ZNRF2: variants seen among roughly 807,000 people sequenced by gnomAD.
The protein encoded by ZNRF2 is E3 ubiquitin-protein ligase ZNRF2.
Under a neutral mutation model 20.4 loss-of-function variants are expected in ZNRF2, and 16 were observed. The ratio of observed to expected loss-of-function variants is 0.79; its 90% confidence interval spans 0.53 to 1.19. ZNRF2 has a LOEUF of 1.19. Ranked by LOEUF, ZNRF2 falls within the 50% of genes most tolerant of loss-of-function variation. ZNRF2 has a pLI of 0.00. For missense variants in ZNRF2, 363 were observed against 332.4 expected (o/e 1.09, Z -0.72); for synonymous variants, 178 against 144.9 (o/e 1.23, Z -1.64).
chr7:30,287,214 A>G (rs1468475489), intron 1 of ZNRF2, among the ~76,000 whole-genome samples: 1 of 152,224 alleles, frequency 6.6e-6, no homozygotes, highest in African/African-American at 2.4e-5. Context: ...GATCACAACT[A>G]ACCTAACAGT....
At chr7:30,349,923 G>C (rs1799938196) in intron 2 of ZNRF2, among the ~76,000 whole-genome samples, 1 of 151,968 alleles carries the variant, frequency 6.6e-6, no homozygotes. Context: ...TTGATTTTAA[G>C]TTTTAGTTTA....
At chr7:30,319,652 C>T (rs1351018617) in intron 1 of ZNRF2, among the ~76,000 whole-genome samples, 1 of 152,114 alleles carries the variant, frequency 6.6e-6, no homozygotes, top group African/African-American at 2.4e-5. Context: ...ATCAAGTTGA[C>T]CTTGGGGTAG....
intron 2 of ZNRF2, among the ~76,000 whole-genome samples, chr7:30,343,606 A>G (rs1329405144): frequency 1.3e-5 from 2 of 151,866 alleles, no homozygotes; most frequent in East Asian, 1.9e-4. Context: ...GTCTCCTTTA[A>G]TGTTTATGCC....
chr7:30,285,727 G>A lies in ZNRF2; in HGVS notation c.370G>A (p.Gly124Ser). 1 of 1,473,656 alleles carries A rather than the reference G, an allele frequency of 6.8e-7. No individual in the cohort carries two copies. The highest frequency in any genetic ancestry group is 8.9e-7 in the Non-Finnish European group (1 of 1,118,832). 91.3% of individuals were successfully genotyped at this position (1,473,656 alleles called of 1,614,324 possible). The change falls in exon 1 of 5, where the codon GGC becomes AGC. Residue 124 changes from glycine to serine, a missense_variant. This residue lies in a region of ZNRF2 where 302 missense variants were observed against 231.5 expected (regional missense o/e 1.30). Coordinates refer to ENST00000323037, the MANE Select transcript of ZNRF2 (RefSeq NM_147128.4). ...CTCGGTGCACAGCAGCCCTGAGGAC[G>A]GCGGCGGCGGCCGGGACCGGCCGGT... ...QDSVHSSPED[G>S]GGGRDRPVGG...
chr7:30,337,863 C>G (rs1442643135), intron 2 of ZNRF2, among the ~76,000 whole-genome samples: 7 of 152,100 alleles, frequency 4.6e-5, no homozygotes, highest in Non-Finnish European at 7.4e-5. Context: ...TGAAAACTCT[C>G]CCTCTCACCT....
chr7:30,295,096 T>A lies in ZNRF2; in HGVS notation c.469+9270T>A, dbSNP rs192054944. On this transcript the variant is annotated intron_variant, in intron 1 of 4. Coordinates refer to ENST00000323037, the MANE Select transcript of ZNRF2 (RefSeq NM_147128.4). ...GTGTGTGTGTGTGTGTGTGTGTGTGTGTGTGATTGCAGGTGTCAGCCACTG... is the reference window on the plus strand; with the variant it reads ...GTGTGTGTGTGTGTGTGTGTGTGTGAGTGTGATTGCAGGTGTCAGCCACTG... Among the ~76,000 whole-genome samples the A allele has an allele frequency of 7.6e-4, 110 of 144,924 alleles. 2 individuals are homozygous for A. The East Asian group carries it at 0.023, about 30-fold the overall frequency.
chr7:30,294,239 T>C (rs1321283506), intron 1 of ZNRF2, among the ~76,000 whole-genome samples: 1 of 152,202 alleles, frequency 6.6e-6, no homozygotes, highest in African/African-American at 2.4e-5. Flanking sequence ...TATTATTTTT[T>C]AATGATAAAA....
rs181535026 is a variant in ZNRF2, at chr7:30,363,291, T to G, written c.*22+835T>G. On this transcript the variant is annotated intron_variant, in intron 4 of 4. Coordinates refer to ENST00000323037, the MANE Select transcript of ZNRF2 (RefSeq NM_147128.4). ...ATTTAGTATTATCATGTGCCAGGTG[T>G]TGTTGTAAGCATTTTACATCTATTA... Among the ~76,000 whole-genome samples the G allele has an allele frequency of 5.9e-5, 9 of 152,290 alleles. No homozygotes were observed. The East Asian group carries it at 1.4e-3, about 23-fold the overall frequency.
chr7:30,330,637 T>A (rs1799623504), intron 2 of ZNRF2, among the ~76,000 whole-genome samples: 1 of 152,184 alleles, frequency 6.6e-6, no homozygotes, highest in East Asian at 1.9e-4. Flanking sequence ...GAGGTACTAT[T>A]ATAAGTTATA....
At chr7:30,285,864 C>A in intron 1 of ZNRF2, 38 bp downstream of exon 1, 1 of 1,423,656 alleles carries the variant, frequency 7.0e-7, no homozygotes, top group South Asian at 1.6e-5. Context: ...CTCGGTCCTC[C>A]CGCGGCTGCA....
At chr7:30,364,781 AGTCTTTCTTAG>A (rs1800183399) in intron 4 of ZNRF2, among the ~76,000 whole-genome samples, 1 of 152,200 alleles carries the variant, frequency 6.6e-6, no homozygotes, top group African/African-American at 2.4e-5. Flanking sequence ...TTGTCTTTTT[AGTCTTTCTTAG>A]TGCATTTTGG....
chr7:30,308,528 G>A (rs2128059514), intron 1 of ZNRF2, among the ~76,000 whole-genome samples: 1 of 152,202 alleles, frequency 6.6e-6, no homozygotes, highest in South Asian at 2.1e-4. Context: ...CTGGGGATGG[G>A]GTCTAGGAAA....
chr7:30,295,036 AGAGAGAGAGAGAGAGTGTGTGTGTGT>A (rs1373202254), intron 1 of ZNRF2, among the ~76,000 whole-genome samples: 2 of 110,740 alleles, frequency 1.8e-5, no homozygotes, highest in East Asian at 5.6e-4. Context: ...AGAGAGAGAG[AGAGAGAGAGAGAGAGTGTGTGTGTGT>A]GTGTGTGTGT....
chr7:30,309,283 C>T (rs765202125), intron 1 of ZNRF2, among the ~76,000 whole-genome samples: 1 of 152,076 alleles, frequency 6.6e-6, no homozygotes, highest in African/African-American at 2.4e-5. Flanking sequence ...TGAATATTTT[C>T]TGTTTCAACA....
At position 30,349,584 on chromosome 7, in the gene ZNRF2, T is replaced by TA. The variant is rs571078299; in HGVS notation, c.566-6131dup. ...TGGAGTTTGAAACTAAACTGTAAAT[T>TA]AAAAAAAAAAAAATTGCTACGTATT... On this transcript the variant is annotated intron_variant, in intron 2 of 4. Transcript: ENST00000323037. Among the ~76,000 whole-genome samples, 714 of 145,726 alleles carry TA rather than the reference T, an allele frequency of 4.9e-3. 2 individuals carry two copies. Among genetic ancestry groups the TA allele is most frequent in the African/African-American group, 0.014 (581 of 40,122 alleles).
intron 2 of ZNRF2, among the ~76,000 whole-genome samples, chr7:30,335,279 T>G (rs184597211): frequency 3.3e-5 from 5 of 152,188 alleles, no homozygotes; most frequent in African/African-American, 1.2e-4. Context: ...ATTCCAACAT[T>G]CCAAGAACCC....
rs1178487437 is a variant in ZNRF2 at position 30,366,751 on chromosome 7, G to A, written c.*739G>A. On this transcript the variant is annotated 3_prime_UTR_variant, in exon 5 of 5. Coordinates refer to ENST00000323037, the MANE Select transcript of ZNRF2 (RefSeq NM_147128.4). ...TAAATATAGAATATTCTACTGAATT[G>A]CAATTTATTAAATATTCTTATCCTC... 6.6e-6 allele frequency: 1 copy of A among 152,388 alleles called. No individual in the cohort carries two copies. The highest frequency in any genetic ancestry group is 1.5e-5 in the Non-Finnish European group (1 of 67,968). The allele number at this position is 152,388 out of a possible 1,614,324, so 9.4% of individuals were successfully genotyped here.
chr7:30,295,028 A>AGGGAGGGAAG (rs1798988571), intron 1 of ZNRF2, among the ~76,000 whole-genome samples: 1 of 98,690 alleles, frequency 1.0e-5, no homozygotes, highest in African/African-American at 4.9e-5. Flanking sequence ...AGAGAGAGAG[A>AGGGAGGGAAG]GAGAGAGAGA....
chr7:30,318,329 GTTC>G (rs763761198), intron 1 of ZNRF2, among the ~76,000 whole-genome samples: 32 of 152,300 alleles, frequency 2.1e-4, no homozygotes, highest in African/African-American at 5.5e-4. Flanking sequence ...GAGAGGATCA[GTTC>G]TTCTGGGTGA....
Sources: allele counts gnomAD v4.1 joint callset (sites outside exome capture counted in the v4.1 genomes callset), GRCh38; gene constraint gnomAD v4.1.1; regional missense constraint gnomAD v4.1.1; transcripts MANE v1.5; gene names NCBI Gene and HGNC (gene_info 2026-07-23, HGNC 2026-07-21).